Variants in RIMBP2 observed in about 807,000 individuals in gnomAD.
The protein encoded by RIMBP2 is RIMS-binding protein 2.
RIMBP2 carries 48 observed loss-of-function variants against 118.6 expected under a neutral mutation model. That is an observed-to-expected ratio of 0.40 (90% CI 0.32 to 0.51). The LOEUF (loss-of-function observed/expected upper bound fraction) is 0.51, where lower values mean the gene tolerates loss of function less well. RIMBP2 is among the 20% of genes least tolerant of loss of function. The pLI is 0.41. For synonymous variants in RIMBP2, 762 were observed against 742.9 expected (o/e 1.03, Z -0.42); for missense variants, 1,551 against 1,768.3 (o/e 0.88, Z 2.20).
intron 21 of RIMBP2, among the ~76,000 whole-genome samples, chr12:130,401,728 C>G (rs1484377959): frequency 6.6e-6 from 1 of 152,028 alleles, no homozygotes; most frequent in African/African-American, 2.4e-5. Context: ...TTAATAACAT[C>G]TAAATACGAA....
chr12:130,580,861 A>AGGGCG (rs2058427139), intron 2 of RIMBP2, among the ~76,000 whole-genome samples: 1 of 151,164 alleles, frequency 6.6e-6, no homozygotes, highest in Admixed American at 6.6e-5. Flanking sequence ...AATCGCTTGA[A>AGGGCG]CCCTGGGGGC....
At chr12:130,504,508 G>A (rs781531002) in intron 4 of RIMBP2, among the ~76,000 whole-genome samples, 25 of 151,986 alleles carry the variant, frequency 1.6e-4, no homozygotes, top group Non-Finnish European at 2.5e-4. Context: ...CTGCATCGCC[G>A]GCTTTGAAGG....
chr12:130,616,085 C>G (rs141910067), intron 2 of RIMBP2, among the ~76,000 whole-genome samples: 1 of 152,150 alleles, frequency 6.6e-6, no homozygotes, highest in Non-Finnish European at 1.5e-5. Flanking sequence ...TAAACCTACC[C>G]GCTGGGCTCT....
intron 1 of RIMBP2, among the ~76,000 whole-genome samples, chr12:130,713,855 A>G (rs1023452642): frequency 9.8e-5 from 15 of 152,300 alleles, no homozygotes; most frequent in Non-Finnish European, 1.9e-4. Context: ...GACCTCAGCC[A>G]AAGGCCAACA....
chr12:130,514,460 G>A (rs2051232728), intron 3 of RIMBP2, among the ~76,000 whole-genome samples: 3 of 152,206 alleles, frequency 2.0e-5, no homozygotes, highest in African/African-American at 2.4e-5. Flanking sequence ...CCCCACCTCC[G>A]CCGGCCCTTG....
In RIMBP2 at chr12:130,632,243, C is replaced by T. The variant is rs566853370; in HGVS notation, c.-351-3787G>A. Among the ~76,000 whole-genome samples the T allele has an allele frequency of 8.6e-4, 131 of 152,328 alleles. 1 individual carries two copies. The highest frequency in any genetic ancestry group is 1.1e-3 in the Non-Finnish European group (76 of 68,026). On this transcript the variant is annotated intron_variant, in intron 1 of 22. Transcript: ENST00000690449. The stretch of plus-strand genomic sequence containing the variant: ...CATCGTCGTCATTGCTGACTACCTC[C>T]TTTTAGTGCAAACCCCCAAATCCTT...
rs1222766763 is a variant in RIMBP2, at chr12:130,617,221, A to G, written c.-217+11101T>C. Among the ~76,000 whole-genome samples, 3 of 142,180 alleles carry G rather than the reference A, an allele frequency of 2.1e-5. No homozygotes were observed. In the South Asian group the frequency reaches 7.3e-4, roughly 35 times the overall value. The allele number at this position is 142,180 out of a possible 152,430, so 93.3% of individuals were successfully genotyped here. On this transcript the variant is annotated intron_variant, in intron 2 of 22. Coordinates refer to ENST00000690449, the MANE Select transcript of RIMBP2 (RefSeq NM_001393629.1). The surrounding 1 kb of genome is among the most constrained non-coding windows in gnomAD (Gnocchi z 4.6). Reference sequence around the variant, plus strand: ...TAGTGCTGCCACCTCCATCCAGCACACAAGGGATGCAAGGCTTAGGGAACT... The same window carrying G: ...TAGTGCTGCCACCTCCATCCAGCACGCAAGGGATGCAAGGCTTAGGGAACT...
In RIMBP2 at chr12:130,508,766, A is replaced by G. The variant is rs538284029; in HGVS notation, c.-126-1996T>C. Among the ~76,000 whole-genome samples the G allele has an allele frequency of 7.2e-5, 11 of 152,260 alleles. No homozygotes were observed. The East Asian group carries it at 9.7e-4, about 13-fold the overall frequency. ...TTCTGCCTTGCAATTTCCCATCATC[A>G]GCGCCCAGAGGACCGCCTGGCAGGG... On this transcript the variant is annotated intron_variant, in intron 3 of 22. Transcript: ENST00000690449.
intron 5 of RIMBP2, among the ~76,000 whole-genome samples, chr12:130,472,941 G>A (rs970924381): frequency 1.3e-5 from 2 of 152,044 alleles, no homozygotes; most frequent in African/African-American, 4.8e-5. Flanking sequence ...AAACCAGCAA[G>A]AGCAACAATA....
intron 11 of RIMBP2, among the ~76,000 whole-genome samples, chr12:130,440,224 G>A (rs575956538): frequency 2.7e-5 from 4 of 149,766 alleles, no homozygotes; most frequent in Non-Finnish European, 4.4e-5. Context: ...CACCGTCCCC[G>A]GGCATGGCTA....
chr12:130,440,928 C>T (rs932042738), intron 11 of RIMBP2, among the ~76,000 whole-genome samples: 1 of 152,120 alleles, frequency 6.6e-6, no homozygotes, highest in African/African-American at 2.4e-5. Flanking sequence ...CACTGGGACC[C>T]TGGCGAGTCG....
Position 130,601,238 on chromosome 12 carries a change from C to CGGAG in RIMBP2, c.-217+27080_-217+27083dup, listed in dbSNP as rs2059858693. Among the ~76,000 whole-genome samples, 4 of 148,358 alleles carry CGGAG rather than the reference C, an allele frequency of 2.7e-5. No individual in the cohort carries two copies. The South Asian group carries it at 8.7e-4, about 32-fold the overall frequency. On this transcript the variant is annotated intron_variant, in intron 2 of 22. Transcript: ENST00000690449. ...CTAAAACTGAGTTAGTCCAGGCCGCCGGAGCTCTCACCTGAGTGAAATCAG... is the reference window on the plus strand; with the variant it reads ...CTAAAACTGAGTTAGTCCAGGCCGCCGGAGGGAGCTCTCACCTGAGTGAAATCAG...
chr12:130,442,937 T>C lies in RIMBP2; in HGVS notation c.692-277A>G, dbSNP rs1349614267. 6.6e-6 allele frequency among the ~76,000 whole-genome samples: 1 copy of C among 152,074 alleles called. No homozygotes were observed. The highest frequency in any genetic ancestry group is 1.5e-5 in the Non-Finnish European group (1 of 68,026). The stretch of plus-strand genomic sequence containing the variant: ...TGTGTATCCGTGTACGTACACTGAC[T>C]ACCCCCTCCCAACACGAACAACACT... On this transcript the variant is annotated intron_variant, in intron 10 of 22. Coordinates refer to ENST00000690449, the MANE Select transcript of RIMBP2 (RefSeq NM_001393629.1). The surrounding 1 kb of genome is among the most constrained non-coding windows in gnomAD (Gnocchi z 6.9).
rs188080972 is a variant in RIMBP2, at chr12:130,455,954, C to T, written c.358+542G>A. Among the ~76,000 whole-genome samples the T allele has an allele frequency of 1.5e-4, 23 of 152,278 alleles. No individual in the cohort carries two copies. The East Asian group carries it at 1.9e-3, about 13-fold the overall frequency. ...CACACACAGGGGGCTTCTCCCCACC[C>T]GGCCTCTAAGCAGGACTGTGATGGG... On this transcript the variant is annotated intron_variant, in intron 7 of 22. Coordinates refer to ENST00000690449, the MANE Select transcript of RIMBP2 (RefSeq NM_001393629.1).
At chr12:130,502,305 G>A (rs2049875467) in intron 4 of RIMBP2, among the ~76,000 whole-genome samples, 1 of 152,188 alleles carries the variant, frequency 6.6e-6, no homozygotes, top group Admixed American at 6.5e-5. Context: ...CTTCGGGACG[G>A]TTTGTTATGC....
At chr12:130,561,746 G>A (rs867624809) in intron 2 of RIMBP2, among the ~76,000 whole-genome samples, 15 of 152,226 alleles carry the variant, frequency 9.9e-5, no homozygotes, top group South Asian at 2.1e-4. Flanking sequence ...GTTTCTGAAC[G>A]CAGAGGCAGC....
At chr12:130,449,645 C>T (rs947721037) in intron 9 of RIMBP2, among the ~76,000 whole-genome samples, 2 of 152,044 alleles carry the variant, frequency 1.3e-5, no homozygotes, top group African/African-American at 2.4e-5. Context: ...AACCCCTGCA[C>T]CTGTGAATGG....
intron 2 of RIMBP2, among the ~76,000 whole-genome samples, chr12:130,556,335 C>T (rs1167486757): frequency 1.3e-5 from 2 of 152,134 alleles, no homozygotes; most frequent in Non-Finnish European, 2.9e-5. Flanking sequence ...TCTATGAAGC[C>T]CTAGAGACCG....
intron 4 of RIMBP2, among the ~76,000 whole-genome samples, chr12:130,490,882 G>A (rs1284175620): frequency 1.3e-5 from 2 of 152,192 alleles, no homozygotes; most frequent in Admixed American, 6.5e-5. Flanking sequence ...AAAAGAGGGA[G>A]ATGTGGTCAG....
Sources: gnomAD v4.1 joint callset for allele counts (sites outside exome capture counted in the v4.1 genomes callset) on GRCh38, gnomAD v4.1.1 for gene constraint, Gnocchi (gnomAD v3.1) non-coding constraint, MANE v1.5 for transcripts, NCBI Gene and HGNC (gene_info 2026-07-23, HGNC 2026-07-21) for gene names.